Variants in ZNF385D observed in about 807,000 individuals in gnomAD.
The protein encoded by ZNF385D is zinc finger protein 659.
In ZNF385D, 15 loss-of-function variants were observed where a neutral mutation model predicts 35.8. That is an observed-to-expected ratio of 0.42 (90% CI 0.28 to 0.64). The LOEUF (loss-of-function observed/expected upper bound fraction) is 0.64. ZNF385D is among the 30% of genes least tolerant of loss of function. The pLI, the probability that ZNF385D is intolerant of heterozygous loss-of-function variation, is 0.23. For missense variants in ZNF385D, 474 were observed against 494.6 expected (o/e 0.96, Z 0.39); for synonymous variants, 212 against 186.8 (o/e 1.13, Z -1.10).
intron 4 of ZNF385D, among the ~76,000 whole-genome samples, chr3:21,469,337 C>T (rs1559321491): frequency 6.6e-6 from 1 of 152,150 alleles, no homozygotes; most frequent in Non-Finnish European, 1.5e-5. Context: ...CACTCTGAGT[C>T]CTCTCACAAC....
At chr3:22,321,795 C>T (rs1162334288) in intron 2 of ZNF385D, among the ~76,000 whole-genome samples, 1 of 152,006 alleles carries the variant, frequency 6.6e-6, no homozygotes, top group Non-Finnish European at 1.5e-5. Context: ...AGTTACTGTG[C>T]ATTTCATTCT....
intron 2 of ZNF385D, among the ~76,000 whole-genome samples, chr3:22,354,619 GTTTTA>G (rs1359901561): frequency 6.6e-6 from 1 of 151,920 alleles, no homozygotes; most frequent in East Asian, 1.9e-4. Flanking sequence ...AGTTACCATG[GTTTTA>G]ATGGTATAAC....
At chr3:22,276,753 G>GC (rs1380854003) in intron 2 of ZNF385D, among the ~76,000 whole-genome samples, 1 of 152,112 alleles carries the variant, frequency 6.6e-6, no homozygotes, top group East Asian at 1.9e-4. Flanking sequence ...GGCCTTTGCT[G>GC]CTTATGGATG....
intron 4 of ZNF385D, among the ~76,000 whole-genome samples, chr3:21,472,837 C>T (rs1223107308): frequency 6.6e-6 from 1 of 152,140 alleles, no homozygotes; most frequent in Non-Finnish European, 1.5e-5. Context: ...TTTGCATCGC[C>T]TGCCCACATT....
chr3:21,485,152 A>G (rs1305257855), intron 4 of ZNF385D, among the ~76,000 whole-genome samples: 1 of 152,152 alleles, frequency 6.6e-6, no homozygotes, highest in African/African-American at 2.4e-5. Flanking sequence ...TCCATGTCCT[A>G]AGTTTAAACT....
At chr3:21,619,868 A>C (rs2064953558) in intron 2 of ZNF385D, among the ~76,000 whole-genome samples, 1 of 152,182 alleles carries the variant, frequency 6.6e-6, no homozygotes, top group African/African-American at 2.4e-5. Context: ...AGAATGAGGG[A>C]AAGTGGAAGC....
At chr3:22,300,851 T>C (rs1702862547) in intron 2 of ZNF385D, among the ~76,000 whole-genome samples, 1 of 152,046 alleles carries the variant, frequency 6.6e-6, no homozygotes, top group Non-Finnish European at 1.5e-5. Context: ...TATAAATTAG[T>C]ATAGCCATTA....
chr3:21,492,991 T>A (rs754619844), intron 4 of ZNF385D, among the ~76,000 whole-genome samples: 2 of 152,008 alleles, frequency 1.3e-5, no homozygotes, highest in African/African-American at 4.8e-5. Flanking sequence ...TTATAGTTAT[T>A]AGGTTAGTTT....
At chr3:21,726,695 T>A (rs1173548676) in intron 1 of ZNF385D, among the ~76,000 whole-genome samples, 1 of 152,144 alleles carries the variant, frequency 6.6e-6, no homozygotes, top group Admixed American at 6.6e-5. Context: ...TGGAAAAAGT[T>A]TGCATGCTCA....
intron 3 of ZNF385D, among the ~76,000 whole-genome samples, chr3:22,139,168 G>T: frequency 6.6e-6 from 1 of 152,032 alleles, no homozygotes; most frequent in Admixed American, 6.6e-5. Flanking sequence ...CTGTTGGTGG[G>T]ACTGTAAACT....
rs1041864133 is a variant in ZNF385D, at chr3:21,876,094, T to C, written c.326-211066A>G. Among the ~76,000 whole-genome samples the C allele has an allele frequency of 9.9e-5, 15 of 152,090 alleles. No individual in the cohort carries two copies. The South Asian group carries it at 1.0e-3, about 10-fold the overall frequency. The stretch of plus-strand genomic sequence containing the variant: ...TCTCCCAAAGTATTTTCACACATAA[T>C]ATAATATTCAGTTTAAGCTGTGATA... On this transcript the variant is annotated intron_variant, in intron 3 of 5. Coordinates refer to the ZNF385D transcript ENST00000494108.
chr3:22,253,118 G>T (rs1159136498), intron 2 of ZNF385D, among the ~76,000 whole-genome samples: 5 of 151,964 alleles, frequency 3.3e-5, no homozygotes, highest in Non-Finnish European at 5.9e-5. Context: ...CCACACTGAG[G>T]GAATGGATAG....
At chr3:22,358,215 T>G (rs146552732) in intron 2 of ZNF385D, among the ~76,000 whole-genome samples, 84 of 151,984 alleles carry the variant, frequency 5.5e-4, no homozygotes, top group African/African-American at 2.0e-3. Context: ...CTCAGAAATA[T>G]GACAAATTGA....
chr3:22,128,328 G>C (rs1019703132), intron 3 of ZNF385D, among the ~76,000 whole-genome samples: 13 of 151,792 alleles, frequency 8.6e-5, no homozygotes, highest in African/African-American at 3.1e-4. Context: ...CCTTATTCTT[G>C]ACTTTTGGGA....
chr3:21,890,985 A>G (rs766893072), intron 3 of ZNF385D, among the ~76,000 whole-genome samples: 39 of 152,204 alleles, frequency 2.6e-4, no homozygotes, highest in Non-Finnish European at 4.4e-4. Context: ...GCAGCATGGC[A>G]GAAAAGCAAA....
At chr3:22,300,927 A>G (rs990303855) in intron 2 of ZNF385D, among the ~76,000 whole-genome samples, 17 of 152,084 alleles carry the variant, frequency 1.1e-4, no homozygotes, top group Non-Finnish European at 4.4e-5. Flanking sequence ...CTCCAATACT[A>G]CTACTGGGTA....
At chr3:22,031,638 T>C (rs1040109848) in intron 3 of ZNF385D, among the ~76,000 whole-genome samples, 25 of 152,144 alleles carry the variant, frequency 1.6e-4, no homozygotes, top group Admixed American at 1.2e-3. Flanking sequence ...GGGCCTATGA[T>C]TGGAGGGGCT....
chr3:21,668,545 A>C (rs2066472753), intron 1 of ZNF385D, among the ~76,000 whole-genome samples: 1 of 152,202 alleles, frequency 6.6e-6, no homozygotes, highest in Admixed American at 6.5e-5. Context: ...CAGGTGTTTA[A>C]GTAAAATGAA....
chr3:21,831,203 C>A (rs1302552592), intron 3 of ZNF385D, among the ~76,000 whole-genome samples: 1 of 152,046 alleles, frequency 6.6e-6, no homozygotes, highest in East Asian at 1.9e-4. Flanking sequence ...CTGGAACGTC[C>A]TTTTTCTTAT....
Sources: gnomAD v4.1 joint callset for allele counts (sites outside exome capture counted in the v4.1 genomes callset) on GRCh38, gnomAD v4.1.1 for gene constraint, MANE v1.5 for transcripts, NCBI Gene and HGNC (gene_info 2026-07-23, HGNC 2026-07-21) for gene names.